PGR: variants seen among roughly 807,000 people sequenced by gnomAD.
The protein encoded by PGR is nuclear receptor subfamily 3 group C member 3.
Under a neutral mutation model 76.1 loss-of-function variants are expected in PGR, and 25 were observed. The observed-to-expected ratio is 0.33, with a 90% CI of 0.24 to 0.46. PGR has a LOEUF of 0.46. Among genes scored for constraint, PGR ranks in the 20% least tolerant of loss-of-function variants. The pLI, the probability that PGR is intolerant of heterozygous loss-of-function variation, is 1.00. For synonymous variants in PGR, 579 were observed against 535.0 expected, an observed-to-expected ratio of 1.08 and a Z score of -1.14; for missense variants, 1,172 against 1,225.3, an observed-to-expected ratio of 0.96 and a Z score of 0.65.
At chr11:101,096,780 C>T (rs55749741) in intron 2 of PGR, among the ~76,000 whole-genome samples, 5,081 of 152,244 alleles carry the variant, frequency 0.033, 250 homozygotes, top group African/African-American at 0.11. Flanking sequence ...ACTCATAAAC[C>T]GTAGGTTGAT....
In PGR at chr11:101,129,108, G is replaced by GA. The variant is rs1238100026; in HGVS notation, c.-39_-38insT. 2 of 1,317,618 alleles carry GA rather than the reference G, an allele frequency of 1.5e-6. No homozygotes were observed. The highest frequency in any genetic ancestry group is 1.9e-6 in the Non-Finnish European group (2 of 1,041,432). The allele number at this position is 1,317,618 out of a possible 1,614,324, so 81.6% of individuals were successfully genotyped here. A position where few individuals can be genotyped will look rare whatever the true frequency, so the allele number is the denominator to read the frequency against. On this transcript the variant is annotated 5_prime_UTR_variant, in exon 1 of 8. Transcript: ENST00000325455. ...CCCCTTTTCTCCTCCCCCGTCTCCA[G>GA]GAGGAGGGAAAAGGGAAGGAGGAGG...
At chr11:101,051,976 A>G (rs1860105456) in intron 4 of PGR, among the ~76,000 whole-genome samples, 1 of 152,148 alleles carries the variant, frequency 6.6e-6, no homozygotes, top group South Asian at 2.1e-4. Context: ...AGAGAAGGTT[A>G]AAAGGGAGTG....
chr11:101,074,363 G>T (rs560527), intron 3 of PGR, among the ~76,000 whole-genome samples: 85,107 of 151,918 alleles, frequency 0.56, 24,698 homozygotes, highest in Non-Finnish European at 0.63. Flanking sequence ...AACCCACAGC[G>T]AATATCATAA....
In PGR at chr11:101,127,777, A is replaced by C. The variant is rs1862914508; in HGVS notation, c.1294T>G (p.Ser432Ala). 1.3e-6 allele frequency: 2 copies of C among 1,562,964 alleles called. No individual in the cohort carries two copies. Among genetic ancestry groups the C allele is most frequent in the Non-Finnish European group, 1.7e-6 (2 of 1,163,166 alleles). The change falls in exon 1 of 8, where the codon TCC (serine) becomes GCC (alanine). Residue 432 changes from serine to alanine, a missense_variant. Coordinates refer to ENST00000325455, the MANE Select transcript of PGR (RefSeq NM_000926.4). ...PPPLPPRATP[S>A]RPGEAAVTAA... ...GTCACCGCCGCTTCCCCGGGTCTGGATGGGGTCGCTCGCGGCGGCAGCGGG... is the reference window on the plus strand; with the variant it reads ...GTCACCGCCGCTTCCCCGGGTCTGGCTGGGGTCGCTCGCGGCGGCAGCGGG...
At chr11:101,082,101 A>G (rs1861330789) in intron 3 of PGR, among the ~76,000 whole-genome samples, 1 of 151,736 alleles carries the variant, frequency 6.6e-6, no homozygotes, top group Non-Finnish European at 1.5e-5. Flanking sequence ...ATGATGGTTT[A>G]AAAGTGGTGG....
intron 2 of PGR, among the ~76,000 whole-genome samples, chr11:101,122,184 G>A (rs901813863): frequency 2.4e-5 from 3 of 125,812 alleles, no homozygotes; most frequent in East Asian, 2.3e-4. Context: ...AGCATAATAT[G>A]CAATACAATT....
In PGR at chr11:101,035,144, G is replaced by A; in HGVS notation, c.*3972C>T. The A allele has an allele frequency of 4.7e-6, 1 of 211,122 alleles. No individual in the cohort carries two copies. The highest frequency in any genetic ancestry group is 7.1e-5 in the East Asian group (1 of 14,018). The allele number at this position is 211,122 out of a possible 1,614,324, so 13.1% of individuals were successfully genotyped here. On this transcript the variant is annotated 3_prime_UTR_variant, in exon 8 of 8. Coordinates refer to ENST00000325455, the MANE Select transcript of PGR (RefSeq NM_000926.4). ...CATACTTTGGGAAAAACAAACTTAT[G>A]CCATTACTTGTCTCCTTGTCCACTT...
chr11:101,101,014 T>G (rs943414192), intron 2 of PGR, among the ~76,000 whole-genome samples: 6 of 152,188 alleles, frequency 3.9e-5, no homozygotes, highest in Non-Finnish European at 5.9e-5. Context: ...GATTTTCACA[T>G]GTAATATAAT....
At chr11:101,059,813 A>G (rs1042927892) in intron 4 of PGR, among the ~76,000 whole-genome samples, 2 of 141,242 alleles carry the variant, frequency 1.4e-5, no homozygotes, top group African/African-American at 2.6e-5. Context: ...ACTGTGGTCC[A>G]GCCTGGGCAA....
In PGR at chr11:101,036,732, C is replaced by T. The variant is rs867654058; in HGVS notation, c.*2384G>A. 5.0e-6 allele frequency: 1 copy of T among 201,604 alleles called. No homozygotes were observed. The highest frequency in any genetic ancestry group is 1.0e-5 in the Non-Finnish European group (1 of 97,772). 12.5% of individuals were successfully genotyped at this position (201,604 alleles called of 1,614,324 possible). ...AGAGATCAACATCGAAGATATCAAA[C>T]ATTTTAACAAAAGCCAAACCTGTGG... On this transcript the variant is annotated 3_prime_UTR_variant, in exon 8 of 8. Transcript: ENST00000325455.
At chr11:101,091,338 T>C (rs1031034482) in intron 3 of PGR, among the ~76,000 whole-genome samples, 3 of 152,226 alleles carry the variant, frequency 2.0e-5, no homozygotes, top group Admixed American at 1.3e-4. Context: ...GTAAGCAATG[T>C]ACCTGACCAA....
chr11:101,053,991 C>G (rs1360817706), intron 4 of PGR, among the ~76,000 whole-genome samples: 2 of 152,056 alleles, frequency 1.3e-5, no homozygotes, highest in Non-Finnish European at 2.9e-5. Context: ...GAATTTGAAT[C>G]AGAAAATACT....
intron 2 of PGR, among the ~76,000 whole-genome samples, chr11:101,092,441 C>T (rs1419449548): frequency 6.6e-6 from 1 of 152,092 alleles, no homozygotes; most frequent in Admixed American, 6.5e-5. Context: ...AATTTAATAC[C>T]TGCCTTATTT....
At chr11:101,086,826 C>T (rs1861516052) in intron 3 of PGR, among the ~76,000 whole-genome samples, 1 of 152,068 alleles carries the variant, frequency 6.6e-6, no homozygotes, top group Non-Finnish European at 1.5e-5. Context: ...AAAGTAATCC[C>T]ATTTAAAATA....
chr11:101,117,971 G>C (rs1018019067), intron 2 of PGR, among the ~76,000 whole-genome samples: 3 of 152,150 alleles, frequency 2.0e-5, no homozygotes, highest in African/African-American at 7.2e-5. Context: ...AATCAGTAAT[G>C]ACAACTCTTG....
At chr11:101,061,739 A>AGG (rs1304621284) in intron 4 of PGR, among the ~76,000 whole-genome samples, 1 of 152,224 alleles carries the variant, frequency 6.6e-6, no homozygotes, top group Non-Finnish European at 1.5e-5. Context: ...TCTGCAGTCT[A>AGG]AGATTTAACC....
chr11:101,048,819 C>T (rs566001930), intron 6 of PGR, among the ~76,000 whole-genome samples: 94 of 152,080 alleles, frequency 6.2e-4, no homozygotes, highest in African/African-American at 2.1e-3. Context: ...TTTACCTTAC[C>T]GTAACTTTTT....
intron 4 of PGR, among the ~76,000 whole-genome samples, chr11:101,055,915 A>G (rs1860272062): frequency 6.6e-6 from 1 of 152,246 alleles, no homozygotes; most frequent in Admixed American, 6.5e-5. Context: ...TATAGCAGAA[A>G]CTATATTTCT....
In PGR at chr11:101,032,608, T is replaced by A; in HGVS notation, c.*6508A>T. On this transcript the variant is annotated 3_prime_UTR_variant, in exon 8 of 8. Coordinates refer to ENST00000325455, the MANE Select transcript of PGR (RefSeq NM_000926.4). Reference sequence around the variant, plus strand: ...TTCTCTTCTTGCCTTTGGCATCTCCTCACCACGCACGTTCTGCTAATTCCT... The same window carrying A: ...TTCTCTTCTTGCCTTTGGCATCTCCACACCACGCACGTTCTGCTAATTCCT... The A allele has an allele frequency of 4.4e-6, 1 of 228,508 alleles. No homozygotes were observed. Among genetic ancestry groups the A allele is most frequent in the East Asian group, 6.2e-5 (1 of 16,104 alleles). The allele number at this position is 228,508 out of a possible 1,614,324, so 14.2% of individuals were successfully genotyped here.
Sources: allele counts gnomAD v4.1 joint callset (sites outside exome capture counted in the v4.1 genomes callset), GRCh38; gene constraint gnomAD v4.1.1; transcripts MANE v1.5; gene names NCBI Gene and HGNC (gene_info 2026-07-23, HGNC 2026-07-21).